Variants in RFC3 observed in about 807,000 individuals in gnomAD.
The protein encoded by RFC3 is A1 38 kDa subunit.
Under a neutral mutation model 45.1 loss-of-function variants are expected in RFC3, and 41 were observed. That is an observed-to-expected ratio of 0.91 (90% CI 0.71 to 1.18). RFC3 has a LOEUF of 1.18. RFC3 is among the 50% of genes most tolerant of loss of function. The pLI, the probability that RFC3 is intolerant of heterozygous loss-of-function variation, is 0.00. For synonymous variants in RFC3, 149 were observed against 144.0 expected (o/e 1.03, Z -0.25); for missense variants, 423 against 428.1 (o/e 0.99, Z 0.10).
intron 8 of RFC3, among the ~76,000 whole-genome samples, chr13:33,887,210 A>G (rs1215811278): frequency 1.2e-3 from 174 of 148,468 alleles, no homozygotes; most frequent in African/African-American, 4.3e-3. Flanking sequence ...GAATCACCAC[A>G]CTGACTTCCA....
chr13:33,929,916 G>C (rs1349213325), intron 8 of RFC3, among the ~76,000 whole-genome samples: 2 of 152,054 alleles, frequency 1.3e-5, no homozygotes, highest in Non-Finnish European at 2.9e-5. Context: ...TCTCGAGTCA[G>C]AAAGATTAAG....
intron 1 of RFC3, among the ~76,000 whole-genome samples, chr13:33,818,954 G>A (rs1441675467): frequency 3.4e-5 from 5 of 145,776 alleles, no homozygotes; most frequent in East Asian, 2.0e-4. Context: ...GCAATGGCGC[G>A]GTCTCGGCTC....
chr13:33,885,415 G>A (rs2082514470), intron 8 of RFC3, among the ~76,000 whole-genome samples: 1 of 151,872 alleles, frequency 6.6e-6, no homozygotes, highest in African/African-American at 2.4e-5. Flanking sequence ...ATAAAGTCTG[G>A]GCTTTTACTG....
At chr13:33,873,751 A>G (rs2137574274) in intron 8 of RFC3, among the ~76,000 whole-genome samples, 1 of 152,280 alleles carries the variant, frequency 6.6e-6, no homozygotes, top group African/African-American at 2.4e-5. Flanking sequence ...TGATGAGGGT[A>G]AATAGGATAG....
chr13:33,922,490 TTAAG>T (rs1313896725), intron 8 of RFC3, among the ~76,000 whole-genome samples: 1 of 152,184 alleles, frequency 6.6e-6, no homozygotes, highest in Non-Finnish European at 1.5e-5. Context: ...TGTTAACTAT[TTAAG>T]TATGTTACAA....
the RFC3 span, among the ~76,000 whole-genome samples, chr13:33,975,976 T>C: frequency 2.0e-5 from 3 of 152,182 alleles, no homozygotes; most frequent in African/African-American, 7.2e-5. Flanking sequence ...ACCAAGGTTC[T>C]TTGGAGAAGC....
At chr13:33,902,150 A>G (rs2082645586) in intron 8 of RFC3, among the ~76,000 whole-genome samples, 1 of 152,076 alleles carries the variant, frequency 6.6e-6, no homozygotes, top group Admixed American at 6.6e-5. Flanking sequence ...GTGAAGAAAT[A>G]TGGAGAATAT....
chr13:33,879,548 C>G (rs1197775580), intron 8 of RFC3, among the ~76,000 whole-genome samples: 2 of 152,098 alleles, frequency 1.3e-5, no homozygotes, highest in Non-Finnish European at 1.5e-5. Flanking sequence ...AAAACTAAAA[C>G]AAAAAACTTC....
the RFC3 span, among the ~76,000 whole-genome samples, chr13:33,972,612 G>C: frequency 6.6e-6 from 1 of 152,112 alleles, no homozygotes; most frequent in East Asian, 1.9e-4. Flanking sequence ...TTCACATTGT[G>C]CTTCTCCAAA....
chr13:33,953,324 T>TAAAA (rs11342304), intron 8 of RFC3, among the ~76,000 whole-genome samples: 38 of 105,512 alleles, frequency 3.6e-4, no homozygotes, highest in African/African-American at 1.2e-3. Context: ...TGTTGCTCTT[T>TAAAA]AAAAAAAAAA....
chr13:33,957,002 A>G (rs1566042208), intron 8 of RFC3, among the ~76,000 whole-genome samples: 1 of 152,050 alleles, frequency 6.6e-6, no homozygotes, highest in Non-Finnish European at 1.5e-5. Context: ...TTATCTACCT[A>G]CTATCTATTA....
At chr13:33,850,942 C>G (rs2082272646) in intron 8 of RFC3, 1 of 152,072 alleles carries the variant, frequency 6.6e-6, no homozygotes, top group Non-Finnish European at 1.5e-5. Flanking sequence ...GTTGATATTA[C>G]TTTCGGATTT....
At chr13:33,925,084 CATAT>C (rs2082795959) in intron 8 of RFC3, among the ~76,000 whole-genome samples, 1 of 147,466 alleles carries the variant, frequency 6.8e-6, no homozygotes. Context: ...TATATACACG[CATAT>C]ATAGTGTACT....
At chr13:33,863,686 G>T (rs111923037) in intron 8 of RFC3, among the ~76,000 whole-genome samples, 1 of 152,180 alleles carries the variant, frequency 6.6e-6, no homozygotes, top group Non-Finnish European at 1.5e-5. Flanking sequence ...TTGATACTGC[G>T]TGGATACACA....
intron 8 of RFC3, among the ~76,000 whole-genome samples, chr13:33,888,507 C>G (rs1353612269): frequency 6.6e-6 from 1 of 152,142 alleles, no homozygotes; most frequent in Non-Finnish European, 1.5e-5. Flanking sequence ...CGAGTAGCCA[C>G]AATGCTGCGT....
At chr13:33,819,689 G>A (rs1220463687) in intron 1 of RFC3, among the ~76,000 whole-genome samples, 1 of 152,082 alleles carries the variant, frequency 6.6e-6, no homozygotes, top group Non-Finnish European at 1.5e-5. Flanking sequence ...TTTTCCTAGT[G>A]ATAGAATACA....
intron 8 of RFC3, among the ~76,000 whole-genome samples, chr13:33,845,192 C>T (rs1007869699): frequency 6.6e-6 from 1 of 152,108 alleles, no homozygotes; most frequent in African/African-American, 2.4e-5. Flanking sequence ...TTTTCTGTTG[C>T]TGCTTTTAGG....
chr13:33,868,705 G>A (rs1283512484), intron 8 of RFC3, among the ~76,000 whole-genome samples: 1 of 152,192 alleles, frequency 6.6e-6, no homozygotes, highest in African/African-American at 2.4e-5. Flanking sequence ...GCTGGAGCCT[G>A]CTCCCACTCT....
downstream of RFC3, among the ~76,000 whole-genome samples, chr13:33,839,869 A>G (rs1241643463): frequency 1.3e-5 from 2 of 152,224 alleles, no homozygotes; most frequent in African/African-American, 4.8e-5. Context: ...AATGGACAAA[A>G]TACAGATGGT....
Sources: gnomAD v4.1 joint callset for allele counts (sites outside exome capture counted in the v4.1 genomes callset) on GRCh38, gnomAD v4.1.1 for gene constraint, MANE v1.5 for transcripts, NCBI Gene and HGNC (gene_info 2026-07-23, HGNC 2026-07-21) for gene names.